Variants in SORCS2 observed in about 807,000 individuals in gnomAD.
SORCS2 encodes the protein VPS10 domain-containing receptor SorCS2.
Under a neutral mutation model 141.6 loss-of-function variants are expected in SORCS2, and 100 were observed. That is an observed-to-expected ratio of 0.71 (90% CI 0.60 to 0.83). The LOEUF (loss-of-function observed/expected upper bound fraction) is 0.83. Ranked by LOEUF, SORCS2 falls within the 40% of genes least tolerant of loss-of-function variation. The pLI, the probability that SORCS2 is intolerant of heterozygous loss-of-function variation, is 0.00. For missense variants in SORCS2, 1,646 were observed against 1,560.2 expected (o/e 1.05, Z -0.93); for synonymous variants, 789 against 676.9 (o/e 1.17, Z -2.57).
chr4:7,317,657 T>A (rs1041118171), intron 1 of SORCS2, among the ~76,000 whole-genome samples: 1 of 136,024 alleles, frequency 7.4e-6, no homozygotes, highest in African/African-American at 2.8e-5. Flanking sequence ...TTCACCTCTG[T>A]TTTCCAGGGC....
chr4:7,236,685 G>A (rs1712302004), intron 1 of SORCS2, among the ~76,000 whole-genome samples: 1 of 152,126 alleles, frequency 6.6e-6, no homozygotes, highest in Non-Finnish European at 1.5e-5. Flanking sequence ...GGGTTTAAGC[G>A]ATTCTCCTTC....
chr4:7,503,082 AGGGGCT>A (rs1732069925), intron 2 of SORCS2, among the ~76,000 whole-genome samples: 1 of 152,220 alleles, frequency 6.6e-6, no homozygotes, highest in Non-Finnish European at 1.5e-5. Context: ...ACAGGTGCAC[AGGGGCT>A]GGGGAATATA....
At chr4:7,412,999 C>G (rs1030153925) in intron 2 of SORCS2, among the ~76,000 whole-genome samples, 1 of 152,130 alleles carries the variant, frequency 6.6e-6, no homozygotes, top group Non-Finnish European at 1.5e-5. Context: ...TCCACATCCA[C>G]GAGGCATCAT....
chr4:7,507,753 G>A (rs1402934376), intron 2 of SORCS2, among the ~76,000 whole-genome samples: 3 of 151,434 alleles, frequency 2.0e-5, no homozygotes, highest in Admixed American at 6.6e-5. Context: ...CCAATGGGGG[G>A]AAAAGTTAAG....
At chr4:7,697,177 G>T in intron 11 of SORCS2, 21 bp from the exon 12 acceptor site, 2 of 1,556,288 alleles carry the variant, frequency 1.3e-6, no homozygotes, top group East Asian at 4.7e-5. Context: ...GGGTAGTACT[G>T]CCCCTTTTCT....
At chr4:7,569,876 G>T (rs561825011) in intron 3 of SORCS2, among the ~76,000 whole-genome samples, 1 of 152,306 alleles carries the variant, frequency 6.6e-6, no homozygotes, top group African/African-American at 2.4e-5. Context: ...GGAGCCACTG[G>T]GTGGATGTGG....
chr4:7,413,000 G>A (rs114935055), intron 2 of SORCS2, among the ~76,000 whole-genome samples: 377 of 152,196 alleles, frequency 2.5e-3, no homozygotes, highest in African/African-American at 8.9e-3. Flanking sequence ...CCACATCCAC[G>A]AGGCATCATG....
intron 2 of SORCS2, among the ~76,000 whole-genome samples, chr4:7,472,949 G>C (rs1193259627): frequency 6.6e-6 from 1 of 151,788 alleles, no homozygotes; most frequent in South Asian, 2.1e-4. Context: ...CCTGGAGACC[G>C]TTACTGTCAA....
chr4:7,339,178 G>A (rs963963864), intron 1 of SORCS2, among the ~76,000 whole-genome samples: 5 of 152,188 alleles, frequency 3.3e-5, no homozygotes, highest in South Asian at 4.1e-4. Context: ...CCCATGGAGC[G>A]CTGCCCTTTT....
chr4:7,559,235 G>A (rs779797752), intron 3 of SORCS2, among the ~76,000 whole-genome samples: 12 of 152,100 alleles, frequency 7.9e-5, no homozygotes, highest in Non-Finnish European at 1.5e-4. Context: ...CAGTGCCTCG[G>A]GCTTCCATGG....
chr4:7,211,870 C>G (rs1344641809), intron 1 of SORCS2, among the ~76,000 whole-genome samples: 1 of 152,226 alleles, frequency 6.6e-6, no homozygotes, highest in Non-Finnish European at 1.5e-5. Context: ...TCCCTCATCC[C>G]TTTTACTCTC....
chr4:7,450,189 A>C (rs561248933), intron 2 of SORCS2, among the ~76,000 whole-genome samples: 298 of 152,270 alleles, frequency 2.0e-3, no homozygotes, highest in African/African-American at 7.0e-3. Context: ...TGTCTGGGGT[A>C]CTTTCTGGCA....
chr4:7,247,830 G>A (rs771867934), intron 1 of SORCS2, among the ~76,000 whole-genome samples: 5 of 152,236 alleles, frequency 3.3e-5, no homozygotes, highest in Non-Finnish European at 7.4e-5. Flanking sequence ...TGCGTGGTCA[G>A]ATAAGCTGGT....
At position 7,639,462 on chromosome 4, in the gene SORCS2, G is replaced by GA. The variant is rs202052066; in HGVS notation, c.813+970_813+971insA. ...TAAGTGTGTGAGTGCATGTGTGTGG[G>GA]TGTGTCAGTGTGAATGGGTGTGAAT... On this transcript the variant is annotated intron_variant, in intron 4 of 26. Transcript: ENST00000507866. 8.4e-3 allele frequency among the ~76,000 whole-genome samples: 1,282 copies of GA among 152,022 alleles called. 29 individuals carry two copies. Among genetic ancestry groups the GA allele is most frequent in the African/African-American group, 0.03 (1,242 of 41,490 alleles).
At chr4:7,697,430 G>A (rs1724784164) in intron 12 of SORCS2, among the ~76,000 whole-genome samples, 156 bp downstream of exon 12, 2 of 152,230 alleles carry the variant, frequency 1.3e-5, no homozygotes, top group South Asian at 4.1e-4. Context: ...TGGAGCCAGG[G>A]CTCACTTTAG....
At chr4:7,643,871 C>T (rs1418218258) in intron 4 of SORCS2, among the ~76,000 whole-genome samples, 1 of 152,110 alleles carries the variant, frequency 6.6e-6, no homozygotes, top group East Asian at 1.9e-4. Context: ...AGCTTCGATA[C>T]CACGTTGATG....
chr4:7,383,394 C>G (rs753410334), intron 1 of SORCS2, among the ~76,000 whole-genome samples: 1 of 152,210 alleles, frequency 6.6e-6, no homozygotes. Flanking sequence ...CCTCCTCCCC[C>G]TGCAAGAGGC....
At chr4:7,417,989 G>C (rs887714432) in intron 2 of SORCS2, among the ~76,000 whole-genome samples, 2 of 152,166 alleles carry the variant, frequency 1.3e-5, no homozygotes, top group Non-Finnish European at 2.9e-5. Context: ...CTTCATGGCT[G>C]GTGTCTGGCT....
chr4:7,714,179 A>G, intron 15 of SORCS2, 61 bp from the exon 16 acceptor site: 1 of 1,556,436 alleles, frequency 6.4e-7, no homozygotes, highest in Non-Finnish European at 8.7e-7. Context: ...CAGCGGCACA[A>G]GGCCTTGTAG....
Sources: gnomAD v4.1 joint callset for allele counts (sites outside exome capture counted in the v4.1 genomes callset) on GRCh38, gnomAD v4.1.1 for gene constraint, MANE v1.5 for transcripts, NCBI Gene and HGNC (gene_info 2026-07-23, HGNC 2026-07-21) for gene names.